The following CEP250 variants were observed in gnomAD, a reference collection of about 807,000 sequenced individuals.
CEP250 encodes the protein centrosomal protein 250.
Under a neutral mutation model 315.7 loss-of-function variants are expected in CEP250, and 242 were observed. The observed-to-expected ratio is 0.77, with a 90% CI of 0.69 to 0.85. The LOEUF is 0.85. Ranked by LOEUF, CEP250 falls within the 40% of genes least tolerant of loss-of-function variation. The pLI is 0.00. For missense variants in CEP250, 2,515 were observed against 2,886.4 expected (o/e 0.87, Z 2.95); for synonymous variants, 1,088 against 1,175.0 (o/e 0.93, Z 1.51).
At chr20:35,506,954 A>G (rs1280885142) in intron 30 of CEP250, among the ~76,000 whole-genome samples, 3 of 152,206 alleles carry the variant, frequency 2.0e-5, no homozygotes, top group Non-Finnish European at 4.4e-5. Context: ...GTTACTGAGC[A>G]GTATTCACTC....
At chr20:35,476,266 A>C (rs1266466084) in intron 15 of CEP250, 183 bp from the exon 16 acceptor site, 1 of 547,084 alleles carries the variant, frequency 1.8e-6, no homozygotes, top group Non-Finnish European at 3.3e-6. Flanking sequence ...GTATCTCTAT[A>C]CTGTGAGGTC....
At chr20:35,495,592 CA>C (rs1463613596) in intron 24 of CEP250, among the ~76,000 whole-genome samples, 1 of 150,736 alleles carries the variant, frequency 6.6e-6, no homozygotes, top group Non-Finnish European at 1.5e-5. Flanking sequence ...ACTAAAAATA[CA>C]AAAAAAAATT....
Position 35,507,857 on chromosome 20 carries a change from C to G in CEP250, c.6750+6C>G, listed in dbSNP as rs76603816. Reference sequence around the variant, plus strand: ...AGGGTGTGCAGCTGGGAGAGGTGAGCTGGGGGCTCTGGGGGAACAGGTGAC... The same window carrying G: ...AGGGTGTGCAGCTGGGAGAGGTGAGGTGGGGGCTCTGGGGGAACAGGTGAC... On this transcript the variant is annotated splice_donor_region_variant and intron_variant, in intron 31 of 34. Coordinates refer to ENST00000397527, the MANE Select transcript of CEP250 (RefSeq NM_007186.6). 2.7e-3 allele frequency: 4,370 copies of G among 1,607,488 alleles called. 78 individuals carry two copies. The African/African-American group carries it at 0.049, about 18-fold the overall frequency.
In CEP250 at chr20:35,490,788, A is replaced by G. The variant is rs140662323; in HGVS notation, c.2738A>G (p.Glu913Gly). Reference protein sequence around the residue: ...AQREEERTQAESALCQMQLET... With the variant: ...AQREEERTQAGSALCQMQLET... ...AGGGAAGAAGAACGGACCCAGGCAG[A>G]GAGTGCCCTATGCCAGGTGGGAAGC... The change falls in exon 21 of 35, where the codon GAG becomes GGG. Residue 913 changes from glutamate (E) to glycine (G), a missense_variant. Transcript: ENST00000397527. The G allele has an allele frequency of 1.5e-5, 25 of 1,613,106 alleles. No homozygotes were observed. In the African/African-American group the frequency reaches 3.2e-4, roughly 21 times the overall value.
At chr20:35,473,325 C>T in intron 12 of CEP250, 49 bp from the exon 13 acceptor site, 2 of 1,530,468 alleles carry the variant, frequency 1.3e-6, no homozygotes, top group South Asian at 1.3e-5. Flanking sequence ...TCTGACATCC[C>T]TCCTTTGCCC....
rs1412746190 is a variant in CEP250, at chr20:35,509,357, TG to T, written c.7008+318del. Reference sequence around the variant, plus strand: ...GGCTCTGCTTAGGATCCCTGGTGTATGGGGGTTGTGTGGTGCTTGCCAGCTC... The same window carrying T: ...GGCTCTGCTTAGGATCCCTGGTGTATGGGGTTGTGTGGTGCTTGCCAGCTC... On this transcript the variant is annotated intron_variant, in intron 33 of 34. Coordinates refer to ENST00000397527, the MANE Select transcript of CEP250 (RefSeq NM_007186.6). Among the ~76,000 whole-genome samples, 4 of 152,210 alleles carry T rather than the reference TG, an allele frequency of 2.6e-5. No individual in the cohort carries two copies. In the South Asian group the frequency reaches 8.3e-4, roughly 32 times the overall value.
chr20:35,496,533 T>A, intron 24 of CEP250, 44 bp from the exon 25 acceptor site: 6 of 1,561,668 alleles, frequency 3.8e-6, no homozygotes, highest in Non-Finnish European at 5.2e-6. Context: ...TAATTTTTCA[T>A]TCCCTAAGAG....
chr20:35,475,505 G>T lies in CEP250; in HGVS notation c.1575G>T (p.Gln525His), dbSNP rs945069869. 6.2e-7 allele frequency: 1 copy of T among 1,614,022 alleles called. No homozygotes were observed. The highest frequency in any genetic ancestry group is 8.5e-7 in the Non-Finnish European group (1 of 1,179,976). ...ACCCCTCTCTTTCCCATCTTAGTCA[G>T]GAGATGCTGATGGGCCTGGAAGCCA... ...HLAVRERERL[Q>H]EMLMGLEAKQ... Residue 525 changes from glutamine (Q) to histidine (H), a missense_variant, in exon 15 of 35, where the codon CAG becomes CAT. By Grantham distance (24) the Gln-to-His change is conservative (BLOSUM62 0). Transcript: ENST00000397527.
At chr20:35,491,669 G>A (rs1038665691) in intron 22 of CEP250, among the ~76,000 whole-genome samples, 7 of 152,104 alleles carry the variant, frequency 4.6e-5, no homozygotes, top group African/African-American at 1.4e-4. Flanking sequence ...TTGGGAGGCT[G>A]AGGCGGACAG....
intron 15 of CEP250, 34 bp from the exon 16 acceptor site, chr20:35,476,415 A>G (rs1175435117): frequency 6.3e-7 from 1 of 1,595,222 alleles, no homozygotes; most frequent in Admixed American, 1.7e-5. Context: ...GAAAATTGGA[A>G]ATATGAAACT....
At position 35,489,349 on chromosome 20, in the gene CEP250, C is replaced by T. The variant is rs143145671; in HGVS notation, c.2587-1288C>T. Among the ~76,000 whole-genome samples the T allele has an allele frequency of 2.7e-4, 41 of 152,320 alleles. 1 individual carries two copies. In the East Asian group the frequency reaches 7.9e-3, roughly 29 times the overall value. On this transcript the variant is annotated intron_variant, in intron 20 of 34. Transcript: ENST00000397527. ...ACATGAATAAGCAACGACAAACTTA[C>T]AAGCATTTTAAAGGAAAAGTGCAGG...
chr20:35,501,816 C>G, intron 28 of CEP250, 29 bp from the exon 29 acceptor site: 1 of 1,418,428 alleles, frequency 7.1e-7, no homozygotes, highest in Non-Finnish European at 9.2e-7. Flanking sequence ...ACTCCACTAC[C>G]TCTCCTCTCC....
chr20:35,490,562 T>G, intron 20 of CEP250, 75 bp from the exon 21 acceptor site: 1 of 1,429,296 alleles, frequency 7.0e-7, no homozygotes, highest in Non-Finnish European at 9.5e-7. Context: ...AGAGAGACTT[T>G]GTTTTTCCAA....
rs1400228991 is a variant in CEP250, at chr20:35,504,106, C to T, written c.5737C>T (p.Gln1913Ter). ...GGCCCTCCAGCAGCAGTGTGCTGAG[C>T]AGGCACAGGAGCATGAGGTGGAGAC... Reference protein sequence around the residue: ...LLALQQQCAEQAQEHEVETRA... With the variant: ...LLALQQQCAE The change falls in exon 30 of 35, where the codon CAG (glutamine) becomes TAG (stop). Residue 1913 changes from glutamine (Q) to a stop codon, truncating the protein, a stop_gained. Coordinates refer to ENST00000397527, the MANE Select transcript of CEP250 (RefSeq NM_007186.6). LOFTEE classifies it high-confidence loss of function. 1 of 1,612,566 alleles carries T rather than the reference C, an allele frequency of 6.2e-7. No individual in the cohort carries two copies. The highest frequency in any genetic ancestry group is 8.5e-7 in the Non-Finnish European group (1 of 1,179,164).
rs1434501704 is a variant in CEP250 at position 35,502,795 on chromosome 20, C to T, written c.4426C>T (p.Gln1476Ter). The T allele has an allele frequency of 1.9e-6, 3 of 1,614,094 alleles. No individual in the cohort carries two copies. Among genetic ancestry groups the T allele is most frequent in the Admixed American group, 1.7e-5 (1 of 60,010 alleles). ...GAGGAACCAAGAGGTAGATCTGCAG[C>T]AAGAACAGATTCAGGAGCTAGAGAA... ...KKRNQEVDLQ[Q>*]EQIQELEKCR... is the part of the protein sequence containing the mutation. The change falls in exon 30 of 35, where the codon CAA becomes TAA. Residue 1476 changes from glutamine (Q) to a stop codon, truncating the protein, a stop_gained. Transcript: ENST00000397527. LOFTEE classifies it high-confidence loss of function.
chr20:35,477,737 C>T (rs1439638135), intron 16 of CEP250, 134 bp from the exon 17 acceptor site: 1 of 725,246 alleles, frequency 1.4e-6, no homozygotes, highest in Non-Finnish European at 2.3e-6. Flanking sequence ...GATTTTCCCC[C>T]ATCTTATAAA....
At chr20:35,492,498 G>GA (rs923836521) in intron 22 of CEP250, among the ~76,000 whole-genome samples, 35 of 149,624 alleles carry the variant, frequency 2.3e-4, no homozygotes, top group African/African-American at 6.9e-4. Flanking sequence ...CAAGCCATTT[G>GA]AAAAAAAAAA....
At chr20:35,464,979 A>ATATGG (rs2146694640) in intron 5 of CEP250, among the ~76,000 whole-genome samples, 1 of 152,370 alleles carries the variant, frequency 6.6e-6, no homozygotes, top group South Asian at 2.1e-4. Flanking sequence ...ACTTATGTTC[A>ATATGG]ACTTATGATG....
Position 35,512,184 on chromosome 20 carries a change from C to G in CEP250, c.*558C>G, listed in dbSNP as rs115809762. 1,491 of 284,734 alleles carry G rather than the reference C, an allele frequency of 5.2e-3. 17 individuals carry two copies. The highest frequency in any genetic ancestry group is 0.031 in the African/African-American group (1,374 of 44,066). The allele number at this position is 284,734 out of a possible 1,614,324, so 17.6% of individuals were successfully genotyped here. A position where few individuals can be genotyped will look rare whatever the true frequency, so the allele number is the denominator to read the frequency against. On this transcript the variant is annotated 3_prime_UTR_variant, in exon 35 of 35. Transcript: ENST00000397527. ...TCCAGTTGATGAGAACAGGCTAACA[C>G]TCATTTATGAGTCAGAGGCAATTCT...
Sources: allele counts gnomAD v4.1 joint callset (sites outside exome capture counted in the v4.1 genomes callset), GRCh38; gene constraint gnomAD v4.1.1; transcripts MANE v1.5; gene names NCBI Gene and HGNC (gene_info 2026-07-23, HGNC 2026-07-21).